DLG2: variants seen among roughly 807,000 people sequenced by gnomAD.
The protein encoded by DLG2 is disks large homolog 2.
A neutral mutation model predicts 132.5 loss-of-function variants in DLG2; 45 were observed. The observed-to-expected ratio is 0.34, with a 90% CI of 0.27 to 0.44. DLG2 has a LOEUF of 0.44. DLG2 is among the 20% of genes least tolerant of loss of function. The pLI is 1.00. For missense variants in DLG2, 1,045 were observed against 1,196.9 expected, an observed-to-expected ratio of 0.87 and a Z score of 1.87; for synonymous variants, 424 against 419.6, an observed-to-expected ratio of 1.01 and a Z score of -0.13.
intron 18 of DLG2, among the ~76,000 whole-genome samples, chr11:83,756,608 A>G (rs1183648103): frequency 6.6e-6 from 1 of 151,452 alleles, no homozygotes; most frequent in African/African-American, 2.5e-5. Context: ...AAAGAAGGAG[A>G]TAATAACCTC....
intron 6 of DLG2, among the ~76,000 whole-genome samples, chr11:84,908,456 G>A (rs2091758150): frequency 1.3e-5 from 2 of 152,140 alleles, no homozygotes; most frequent in Admixed American, 6.5e-5. Context: ...TCAAGTGTGT[G>A]TCTTCAGAAG....
chr11:83,513,110 G>C (rs2095122991), intron 21 of DLG2, among the ~76,000 whole-genome samples: 1 of 152,196 alleles, frequency 6.6e-6, no homozygotes, highest in Non-Finnish European at 1.5e-5. Context: ...TAGCCACACT[G>C]TCTTTCCACA....
chr11:85,584,223 A>G (rs941488850), intron 3 of DLG2, among the ~76,000 whole-genome samples: 6 of 152,058 alleles, frequency 3.9e-5, no homozygotes, highest in Non-Finnish European at 5.9e-5. Context: ...ATGATAACAT[A>G]CAATGTTTGG....
chr11:83,586,183 C>A (rs2097082047), intron 19 of DLG2, among the ~76,000 whole-genome samples: 2 of 152,190 alleles, frequency 1.3e-5, no homozygotes, highest in Non-Finnish European at 2.9e-5. Context: ...GGGGCATGGG[C>A]ATTGCCCAGG....
chr11:83,598,934 C>T (rs951667840), intron 19 of DLG2, among the ~76,000 whole-genome samples: 3 of 152,140 alleles, frequency 2.0e-5, no homozygotes, highest in Admixed American at 2.0e-4. Context: ...CATTTAAATC[C>T]TGCGGCCTTA....
At chr11:84,937,567 G>A (rs138949047) in intron 6 of DLG2, among the ~76,000 whole-genome samples, 1 of 152,236 alleles carries the variant, frequency 6.6e-6, no homozygotes, top group African/African-American at 2.4e-5. Flanking sequence ...GCTAACTCTG[G>A]AGGACGAGTA....
chr11:85,128,818 T>C lies in DLG2; in HGVS notation c.283-17083A>G, dbSNP rs187742400. 1.7e-3 allele frequency among the ~76,000 whole-genome samples: 266 copies of C among 152,256 alleles called. 1 individual carries two copies. Among genetic ancestry groups the C allele is most frequent in the Admixed American group, 1.3e-3 (20 of 15,288 alleles). On this transcript the variant is annotated intron_variant, in intron 5 of 27. Coordinates refer to ENST00000376104, the MANE Select transcript of DLG2 (RefSeq NM_001142699.3). ...AGCCAGTGTTATTGAGATGACTTCA[T>C]TTACCTCAATGATCATACTGAGGGG...
At chr11:84,391,743 G>T (rs1410303690) in intron 7 of DLG2, among the ~76,000 whole-genome samples, 1 of 149,484 alleles carries the variant, frequency 6.7e-6, no homozygotes, top group African/African-American at 2.5e-5. Flanking sequence ...CCCTCGAATT[G>T]TTTCTTCCTA....
intron 8 of DLG2, among the ~76,000 whole-genome samples, chr11:84,225,264 G>A (rs1028613124): frequency 6.6e-6 from 1 of 152,262 alleles, no homozygotes; most frequent in East Asian, 1.9e-4. Context: ...CTTCTAATAT[G>A]TTTTCTATGC....
chr11:83,612,579 T>A (rs2060267600), intron 19 of DLG2, among the ~76,000 whole-genome samples: 1 of 152,114 alleles, frequency 6.6e-6, no homozygotes, highest in African/African-American at 2.4e-5. Context: ...TGCCTCTCCT[T>A]TAATAAACTC....
chr11:84,333,163 T>C (rs2098468836), intron 7 of DLG2, among the ~76,000 whole-genome samples: 2 of 152,224 alleles, frequency 1.3e-5, no homozygotes, highest in Admixed American at 6.5e-5. Flanking sequence ...AAAGGACTGA[T>C]AGTCCTCTGC....
intron 6 of DLG2, among the ~76,000 whole-genome samples, chr11:85,048,484 A>G (rs1184289085): frequency 6.6e-6 from 1 of 151,986 alleles, no homozygotes; most frequent in Admixed American, 6.6e-5. Flanking sequence ...ATCTGCAATC[A>G]TACATTGTCT....
At chr11:84,114,668 G>T (rs2093543303) in intron 9 of DLG2, among the ~76,000 whole-genome samples, 1 of 152,042 alleles carries the variant, frequency 6.6e-6, no homozygotes, top group Non-Finnish European at 1.5e-5. Flanking sequence ...GTTTCCTACT[G>T]CCTCACGCCT....
intron 6 of DLG2, among the ~76,000 whole-genome samples, chr11:84,954,888 G>A (rs957885840): frequency 6.6e-6 from 1 of 152,074 alleles, no homozygotes; most frequent in African/African-American, 2.4e-5. Flanking sequence ...AAATGTATTA[G>A]TTTATATGTC....
intron 18 of DLG2, among the ~76,000 whole-genome samples, chr11:83,657,419 A>G (rs1233599668): frequency 1.3e-5 from 2 of 152,058 alleles, no homozygotes; most frequent in Non-Finnish European, 2.9e-5. Context: ...CCAAGCTCAC[A>G]CCATGGTAAA....
intron 6 of DLG2, among the ~76,000 whole-genome samples, chr11:84,935,675 A>G (rs1163166254): frequency 1.3e-5 from 2 of 152,168 alleles, no homozygotes; most frequent in East Asian, 3.9e-4. Context: ...TAATGGGTAG[A>G]GATCAGCAAC....
chr11:83,818,177 C>T (rs924031282), intron 17 of DLG2, among the ~76,000 whole-genome samples: 9 of 152,172 alleles, frequency 5.9e-5, no homozygotes, highest in Admixed American at 3.3e-4. Context: ...AGTGCTTAAA[C>T]TCCTCATCCC....
intron 3 of DLG2, among the ~76,000 whole-genome samples, chr11:85,341,578 T>A (rs941711521): frequency 1.3e-5 from 2 of 152,344 alleles, no homozygotes; most frequent in African/African-American, 2.4e-5. Context: ...TTGGCATCTG[T>A]ACCTTAGTCC....
chr11:83,725,739 G>A (rs1385096134), intron 18 of DLG2, among the ~76,000 whole-genome samples: 1 of 152,194 alleles, frequency 6.6e-6, no homozygotes, highest in Non-Finnish European at 1.5e-5. Context: ...TTCCAGGTAC[G>A]CTTAAGGACT....
Sources: gnomAD v4.1 joint callset for allele counts (sites outside exome capture counted in the v4.1 genomes callset) on GRCh38, gnomAD v4.1.1 for gene constraint, MANE v1.5 for transcripts, NCBI Gene and HGNC (gene_info 2026-07-23, HGNC 2026-07-21) for gene names.